CMSS1: variants seen among roughly 807,000 people sequenced by gnomAD.
CMSS1 encodes the protein protein CMSS1.
Under a neutral mutation model 43.5 loss-of-function variants are expected in CMSS1, and 33 were observed. That is an observed-to-expected ratio of 0.76 (90% CI 0.57 to 1.01). The LOEUF is 1.01. Among genes scored for constraint, CMSS1 ranks in the 50% least tolerant of loss-of-function variants. The probability of loss-of-function intolerance (pLI) is 0.00; values close to 1 mark genes in which losing one functional copy is unlikely to be tolerated. For missense variants in CMSS1, 313 were observed against 326.4 expected, an observed-to-expected ratio of 0.96 and a Z score of 0.32; for synonymous variants, 115 against 117.2, an observed-to-expected ratio of 0.98 and a Z score of 0.12.
At chr3:100,143,342 C>G (rs979915105) in intron 1 of CMSS1, among the ~76,000 whole-genome samples, 2 of 152,196 alleles carry the variant, frequency 1.3e-5, no homozygotes, top group East Asian at 3.8e-4. Flanking sequence ...ACATCCTTGC[C>G]TTGTTCCCAG....
chr3:99,881,624 C>T (rs1366690112), intron 1 of CMSS1, among the ~76,000 whole-genome samples: 4 of 152,006 alleles, frequency 2.6e-5, no homozygotes, highest in African/African-American at 4.8e-5. Flanking sequence ...CCTCCGACTC[C>T]TGGGTTCAGA....
intron 1 of CMSS1, among the ~76,000 whole-genome samples, chr3:100,134,778 A>T (rs994986302): frequency 2.0e-5 from 3 of 152,224 alleles, no homozygotes; most frequent in Non-Finnish European, 4.4e-5. Flanking sequence ...TAAATATAAC[A>T]TACATTATTA....
chr3:100,176,250 C>A, intron 8 of CMSS1, 77 bp from the exon 9 acceptor site: 2 of 1,021,206 alleles, frequency 2.0e-6, no homozygotes, highest in South Asian at 1.4e-5. Context: ...AAAAGTAACC[C>A]GGAGAATAAA....
chr3:99,969,103 AGG>A (rs955243745), intron 1 of CMSS1, among the ~76,000 whole-genome samples: 10 of 152,162 alleles, frequency 6.6e-5, no homozygotes, highest in African/African-American at 2.4e-4. Flanking sequence ...AGTGCTGAAA[AGG>A]GGGGCCATGT....
At chr3:99,919,279 C>T (rs927862823) in intron 1 of CMSS1, among the ~76,000 whole-genome samples, 1 of 151,478 alleles carries the variant, frequency 6.6e-6, no homozygotes, top group South Asian at 2.1e-4. Flanking sequence ...GCCTTTTTTT[C>T]TACCCGTCAT....
chr3:100,069,676 G>A (rs760244503), intron 1 of CMSS1, among the ~76,000 whole-genome samples: 2 of 152,144 alleles, frequency 1.3e-5, no homozygotes, highest in Non-Finnish European at 2.9e-5. Context: ...TTGCCTATCA[G>A]GAAATGTCGT....
intron 1 of CMSS1, among the ~76,000 whole-genome samples, chr3:99,891,561 A>T: frequency 6.6e-6 from 1 of 151,486 alleles, no homozygotes. Context: ...TATGTGTTGG[A>T]TTTTTTGGGT....
chr3:99,946,234 T>G (rs1337984950), intron 1 of CMSS1, among the ~76,000 whole-genome samples: 2 of 152,220 alleles, frequency 1.3e-5, no homozygotes, highest in African/African-American at 2.4e-5. Flanking sequence ...TGGATACTAT[T>G]GTGATTGATA....
At chr3:100,159,349 A>G (rs1235453620) in intron 2 of CMSS1, among the ~76,000 whole-genome samples, 1 of 152,218 alleles carries the variant, frequency 6.6e-6, no homozygotes, top group Non-Finnish European at 1.5e-5. Context: ...CTTTGGCCCC[A>G]TGTCTTGAAG....
chr3:99,943,529 C>T (rs1455078286), intron 1 of CMSS1, among the ~76,000 whole-genome samples: 1 of 152,016 alleles, frequency 6.6e-6, no homozygotes, highest in Non-Finnish European at 1.5e-5. Flanking sequence ...TATGGTGAAA[C>T]CCCATCTCTA....
At chr3:99,870,668 G>A (rs561576255) in intron 1 of CMSS1, among the ~76,000 whole-genome samples, 28 of 152,316 alleles carry the variant, frequency 1.8e-4, no homozygotes, top group African/African-American at 6.5e-4. Flanking sequence ...TACTGCTGAG[G>A]AGAATTATAA....
At chr3:99,837,329 T>C (rs189485246) in intron 1 of CMSS1, among the ~76,000 whole-genome samples, 1 of 152,228 alleles carries the variant, frequency 6.6e-6, no homozygotes, top group East Asian at 1.9e-4. Context: ...ACAGTGGTTT[T>C]CTGAGGCTTC....
intron 1 of CMSS1, among the ~76,000 whole-genome samples, chr3:99,994,191 G>T (rs936584073): frequency 1.3e-5 from 2 of 152,008 alleles, no homozygotes; most frequent in South Asian, 2.1e-4. Context: ...TTTCTTCCTG[G>T]CTCAGTCTCA....
chr3:99,835,934 G>C (rs1224790906), intron 1 of CMSS1, among the ~76,000 whole-genome samples: 2 of 152,132 alleles, frequency 1.3e-5, no homozygotes, highest in African/African-American at 2.4e-5. Context: ...CATGATCAAA[G>C]GTAAGAAGGC....
intron 1 of CMSS1, among the ~76,000 whole-genome samples, chr3:99,966,608 C>T (rs956089214): frequency 6.6e-5 from 10 of 152,158 alleles, no homozygotes; most frequent in Admixed American, 2.6e-4. Context: ...CAGAACCCTT[C>T]GCTCTGTATA....
At position 100,104,960 on chromosome 3, in the gene CMSS1, TA is replaced by T. The variant is rs2066369817; in HGVS notation, c.65-42011del. Among the ~76,000 whole-genome samples, 5 of 152,318 alleles carry T rather than the reference TA, an allele frequency of 3.3e-5. No homozygotes were observed. The South Asian group carries it at 1.0e-3, about 32-fold the overall frequency. On this transcript the variant is annotated intron_variant, in intron 1 of 9. Coordinates refer to ENST00000421999, the MANE Select transcript of CMSS1 (RefSeq NM_032359.4). ...CAAAACCTCACCTATGCATTAACTCTAATCTTTCTGTAAAAGTATCTGCCTT... is the reference window on the plus strand; with the variant it reads ...CAAAACCTCACCTATGCATTAACTCTATCTTTCTGTAAAAGTATCTGCCTT...
chr3:100,060,792 G>A (rs748131258), intron 1 of CMSS1, among the ~76,000 whole-genome samples: 1 of 152,100 alleles, frequency 6.6e-6, no homozygotes, highest in South Asian at 2.1e-4. Flanking sequence ...CGTGGGAGGC[G>A]GAGGTTGCAC....
intron 1 of CMSS1, among the ~76,000 whole-genome samples, chr3:99,901,069 G>A (rs575932871): frequency 1.3e-5 from 2 of 152,284 alleles, no homozygotes; most frequent in African/African-American, 4.8e-5. Flanking sequence ...CATTTGGTGT[G>A]GAATTTACCA....
At chr3:99,909,853 C>T (rs1706736955) in intron 1 of CMSS1, among the ~76,000 whole-genome samples, 1 of 152,156 alleles carries the variant, frequency 6.6e-6, no homozygotes, top group Admixed American at 6.5e-5. Context: ...ATGAAAGTCA[C>T]AGTCTGCAAC....
Sources: allele counts gnomAD v4.1 joint callset (sites outside exome capture counted in the v4.1 genomes callset), GRCh38; gene constraint gnomAD v4.1.1; transcripts MANE v1.5; gene names NCBI Gene and HGNC (gene_info 2026-07-23, HGNC 2026-07-21).